Variants in DDX10 observed in about 807,000 individuals in gnomAD.
The protein encoded by DDX10 is probable ATP-dependent RNA helicase DDX10.
In DDX10, 74 loss-of-function variants were observed where a neutral mutation model predicts 104.3. That is an observed-to-expected ratio of 0.71 (90% CI 0.59 to 0.86). DDX10 has a LOEUF of 0.86. DDX10 is among the 40% of genes least tolerant of loss of function. The probability of loss-of-function intolerance (pLI) is 0.00; values close to 1 mark genes in which losing one functional copy is unlikely to be tolerated. For missense variants in DDX10, 952 were observed against 1,040.0 expected (o/e 0.92, Z 1.16); for synonymous variants, 351 against 353.4 (o/e 0.99, Z 0.08).
At chr11:108,825,368 C>A (rs893082906) in intron 13 of DDX10, among the ~76,000 whole-genome samples, 2 of 152,042 alleles carry the variant, frequency 1.3e-5, no homozygotes, top group Non-Finnish European at 2.9e-5. Context: ...TACGCATGCT[C>A]GGGAAGTTAA....
chr11:108,737,393 G>T (rs2094319689), intron 13 of DDX10, among the ~76,000 whole-genome samples: 1 of 152,160 alleles, frequency 6.6e-6, no homozygotes, highest in South Asian at 2.1e-4. Flanking sequence ...CTGGCTGTTA[G>T]AATAGAGGTG....
intron 13 of DDX10, among the ~76,000 whole-genome samples, chr11:108,728,641 A>G (rs11212766): frequency 0.12 from 18,533 of 151,064 alleles, 1,510 homozygotes; most frequent in East Asian, 0.27. Context: ...TAGCCTCCTG[A>G]GTAGCTAGGA....
At position 108,722,992 on chromosome 11, in the gene DDX10, T is replaced by G; in HGVS notation, c.1500-5T>G. Reference sequence around the variant, plus strand: ...TGACTGTTTTCACGTTTTTCCATATTTAAGGTCTCTTGGTCTTGCTGTGGC... The same window carrying G: ...TGACTGTTTTCACGTTTTTCCATATGTAAGGTCTCTTGGTCTTGCTGTGGC... On this transcript the variant is annotated splice_region_variant and splice_polypyrimidine_tract_variant and intron_variant, in intron 12 of 17. Coordinates refer to ENST00000322536, the MANE Select transcript of DDX10 (RefSeq NM_004398.4). The G allele has an allele frequency of 6.3e-7, 1 of 1,591,866 alleles. No homozygotes were observed. The highest frequency in any genetic ancestry group is 8.5e-7 in the Non-Finnish European group (1 of 1,172,304).
chr11:108,674,566 A>G (rs2094221437), intron 2 of DDX10, among the ~76,000 whole-genome samples: 1 of 150,704 alleles, frequency 6.6e-6, no homozygotes, highest in African/African-American at 2.4e-5. Context: ...GGTGCAGTGC[A>G]GTTGTGTGAT....
At chr11:108,852,788 T>G (rs1456407190) in intron 16 of DDX10, among the ~76,000 whole-genome samples, 1 of 151,602 alleles carries the variant, frequency 6.6e-6, no homozygotes. Context: ...TTATCTAATG[T>G]GTTTGTCACT....
intron 17 of DDX10, among the ~76,000 whole-genome samples, chr11:108,927,493 C>G (rs1364180456): frequency 6.6e-6 from 1 of 152,180 alleles, no homozygotes; most frequent in East Asian, 1.9e-4. Context: ...CCCCAGCATC[C>G]TTGGAAGTTT....
In DDX10 at chr11:108,723,602, C is replaced by T. The variant is rs1591801598; in HGVS notation, c.1965+140C>T. ...GCAATGAACTCTTCCTCCTTTCCCC[C>T]ATACTTAAACACAGAATAAGTGCCA... On this transcript the variant is annotated intron_variant, in intron 13 of 17. Coordinates refer to ENST00000322536, the MANE Select transcript of DDX10 (RefSeq NM_004398.4). 3.8e-6 allele frequency: 3 copies of T among 790,118 alleles called. No homozygotes were observed. In the East Asian group the frequency reaches 8.3e-5, roughly 22 times the overall value. 48.9% of individuals were successfully genotyped at this position (790,118 alleles called of 1,614,324 possible). A position where few individuals can be genotyped will look rare whatever the true frequency, so the allele number is the denominator to read the frequency against.
intron 15 of DDX10, among the ~76,000 whole-genome samples, chr11:108,850,242 C>T (rs368885676): frequency 1.1e-4 from 17 of 152,182 alleles, no homozygotes; most frequent in East Asian, 7.7e-4. Context: ...TTTGCATGCA[C>T]ATGTAAATTC....
At chr11:108,739,976 CTT>C (rs35940578) in intron 13 of DDX10, among the ~76,000 whole-genome samples, 6 of 127,434 alleles carry the variant, frequency 4.7e-5, no homozygotes, top group Non-Finnish European at 5.1e-5. Context: ...GGCTACCCAC[CTT>C]TTTTTTTTTT....
intron 13 of DDX10, among the ~76,000 whole-genome samples, chr11:108,807,819 C>T (rs753715024): frequency 5.3e-5 from 8 of 151,896 alleles, no homozygotes; most frequent in Non-Finnish European, 8.8e-5. Context: ...GAATGTAGGA[C>T]GAGAAGGCTG....
intron 1 of DDX10, 102 bp from the exon 2 acceptor site, chr11:108,673,365 A>G (rs1474496571): frequency 1.3e-6 from 1 of 754,048 alleles, no homozygotes; most frequent in East Asian, 2.7e-5. Context: ...ATTGAATTCA[A>G]CCCTGAATTA....
At chr11:108,689,099 G>T (rs1327465946) in intron 7 of DDX10, 37 bp downstream of exon 7, 2 of 1,606,776 alleles carry the variant, frequency 1.2e-6, no homozygotes, top group South Asian at 1.1e-5. Flanking sequence ...AACGTATGTT[G>T]AATGTCCCTT....
intron 13 of DDX10, among the ~76,000 whole-genome samples, chr11:108,749,875 A>C (rs1355034877): frequency 6.6e-6 from 1 of 152,128 alleles, no homozygotes; most frequent in Non-Finnish European, 1.5e-5. Context: ...ATTTTACTGA[A>C]ATTTTACATG....
chr11:108,878,628 C>T (rs1321988255), intron 16 of DDX10, among the ~76,000 whole-genome samples: 1 of 152,056 alleles, frequency 6.6e-6, no homozygotes, highest in Admixed American at 6.6e-5. Context: ...TCACTTGGTT[C>T]TTTCTTTTTT....
intron 17 of DDX10, chr11:108,920,077 T>C (rs995579219): frequency 6.6e-6 from 1 of 152,190 alleles, no homozygotes; most frequent in African/African-American, 2.4e-5. Flanking sequence ...GAAGGAGATT[T>C]ACAGGGTTAA....
intron 13 of DDX10, among the ~76,000 whole-genome samples, chr11:108,738,224 T>C (rs1355620863): frequency 6.9e-6 from 1 of 144,814 alleles, no homozygotes; most frequent in Non-Finnish European, 1.5e-5. Flanking sequence ...GTATTTGTAC[T>C]CCCTACTCAA....
chr11:108,906,177 C>T (rs1863594553), intron 16 of DDX10, among the ~76,000 whole-genome samples: 2 of 152,146 alleles, frequency 1.3e-5, no homozygotes, highest in African/African-American at 4.8e-5. Context: ...TATTTACCTT[C>T]CTCAAAAACT....
Position 108,878,929 on chromosome 11 carries a change from C to T in DDX10, c.2304+26720C>T, listed in dbSNP as rs189020795. ...AAATACTTTTGCTTTCGTTAGCTTC[C>T]ATAGTGTTCCACATTTGGCACTAAC... On this transcript the variant is annotated intron_variant, in intron 16 of 17. Coordinates refer to ENST00000322536, the MANE Select transcript of DDX10 (RefSeq NM_004398.4). Among the ~76,000 whole-genome samples, 339 of 152,292 alleles carry T rather than the reference C, an allele frequency of 2.2e-3. 1 individual carries two copies. The highest frequency in any genetic ancestry group is 4.0e-3 in the Non-Finnish European group (270 of 68,014).
chr11:108,727,287 T>C (rs2094306502), intron 13 of DDX10, among the ~76,000 whole-genome samples: 2 of 152,118 alleles, frequency 1.3e-5, no homozygotes, highest in Non-Finnish European at 2.9e-5. Flanking sequence ...ATAATTTATA[T>C]CAATATTAAC....
Sources: gnomAD v4.1 joint callset for allele counts (sites outside exome capture counted in the v4.1 genomes callset) on GRCh38, gnomAD v4.1.1 for gene constraint, MANE v1.5 for transcripts, NCBI Gene and HGNC (gene_info 2026-07-23, HGNC 2026-07-21) for gene names.